The following SLCO1A2 variants were observed in gnomAD, a reference collection of about 807,000 sequenced individuals.
The protein encoded by SLCO1A2 is solute carrier organic anion transporter family member 1A2.
A neutral mutation model predicts 69.0 loss-of-function variants in SLCO1A2; 67 were observed. The observed-to-expected ratio is 0.97, with a 90% CI of 0.80 to 1.19. The LOEUF (loss-of-function observed/expected upper bound fraction) is 1.19. SLCO1A2 is among the 50% of genes most tolerant of loss of function. The pLI is 0.00. For missense variants in SLCO1A2, 787 were observed against 793.7 expected (o/e 0.99, Z 0.10); for synonymous variants, 260 against 265.9 (o/e 0.98, Z 0.22).
chr12:21,358,831 A>G (rs557130965), intron 2 of SLCO1A2, among the ~76,000 whole-genome samples: 5 of 152,198 alleles, frequency 3.3e-5, no homozygotes, highest in Non-Finnish European at 7.3e-5. Flanking sequence ...CAAAGCCACA[A>G]AGAGATTCCT....
At chr12:21,315,560 T>C (rs1950767861) in intron 3 of SLCO1A2, among the ~76,000 whole-genome samples, 1 of 152,262 alleles carries the variant, frequency 6.6e-6, no homozygotes. Flanking sequence ...AAAATTTTTT[T>C]TCCTCAAGGA....
At chr12:21,292,468 T>A in intron 11 of SLCO1A2, 132 bp from the exon 12 acceptor site, 1 of 585,676 alleles carries the variant, frequency 1.7e-6, no homozygotes, top group Non-Finnish European at 2.9e-6. Flanking sequence ...ATGATGTCTC[T>A]CAAGATTACA....
chr12:21,285,440 C>G (rs1945571809), intron 12 of SLCO1A2, among the ~76,000 whole-genome samples: 1 of 143,796 alleles, frequency 7.0e-6, no homozygotes, highest in South Asian at 2.3e-4. Flanking sequence ...CAAGGAGGAA[C>G]TGGTACCATT....
chr12:21,360,590 T>C (rs539149649), intron 2 of SLCO1A2, among the ~76,000 whole-genome samples: 2 of 152,274 alleles, frequency 1.3e-5, no homozygotes, highest in African/African-American at 4.8e-5. Flanking sequence ...GGGCAGGGCA[T>C]TGCCTCACCC....
At chr12:21,347,443 C>G (rs1953290460) in intron 2 of SLCO1A2, among the ~76,000 whole-genome samples, 1 of 152,066 alleles carries the variant, frequency 6.6e-6, no homozygotes, top group Non-Finnish European at 1.5e-5. Flanking sequence ...GTCAGGAGTT[C>G]AAGACCAGCC....
intron 1 of SLCO1A2, among the ~76,000 whole-genome samples, chr12:21,389,992 T>C (rs1287236845): frequency 6.6e-6 from 1 of 151,356 alleles, no homozygotes; most frequent in Non-Finnish European, 1.5e-5. Context: ...AAAGACACAA[T>C]TACTTTTGCA....
chr12:21,328,104 T>C (rs1227602710), intron 2 of SLCO1A2, among the ~76,000 whole-genome samples: 2 of 152,196 alleles, frequency 1.3e-5, no homozygotes. Context: ...CTCTCTTGCC[T>C]GCCACCGTGT....
chr12:21,280,342 A>G (rs1304643268), intron 12 of SLCO1A2, among the ~76,000 whole-genome samples: 1 of 152,134 alleles, frequency 6.6e-6, no homozygotes, highest in Non-Finnish European at 1.5e-5. Context: ...CTAGAAACAT[A>G]TGTCACTCAT....
At chr12:21,285,739 C>T (rs1286912796) in intron 12 of SLCO1A2, among the ~76,000 whole-genome samples, 1 of 149,944 alleles carries the variant, frequency 6.7e-6, no homozygotes, top group Non-Finnish European at 1.5e-5. Context: ...AGCATATAAA[C>T]AGAGCCAAAG....
chr12:21,270,712 TAATA>T (rs768089985), intron 14 of SLCO1A2, among the ~76,000 whole-genome samples: 2 of 130,264 alleles, frequency 1.5e-5, no homozygotes, highest in Non-Finnish European at 3.3e-5. Context: ...TAAAATCTGG[TAATA>T]TATAATTAAT....
intron 12 of SLCO1A2, among the ~76,000 whole-genome samples, chr12:21,279,168 A>G (rs189748471): frequency 2.0e-5 from 3 of 152,216 alleles, no homozygotes; most frequent in Non-Finnish European, 2.9e-5. Flanking sequence ...GGGATACAAA[A>G]GAAAAAAAGA....
intron 2 of SLCO1A2, among the ~76,000 whole-genome samples, chr12:21,349,418 T>C (rs1937752243): frequency 6.6e-6 from 1 of 152,092 alleles, no homozygotes; most frequent in Non-Finnish European, 1.5e-5. Flanking sequence ...CTGGCTTGAG[T>C]TAAATTTCTA....
At chr12:21,384,765 T>C (rs939990683) in intron 1 of SLCO1A2, among the ~76,000 whole-genome samples, 2 of 140,716 alleles carry the variant, frequency 1.4e-5, no homozygotes, top group Non-Finnish European at 3.2e-5. Flanking sequence ...CTTAGTTTTT[T>C]TTTCTTTTTT....
At chr12:21,408,360 A>G (rs1941855801) in intron 1 of SLCO1A2, among the ~76,000 whole-genome samples, 1 of 151,886 alleles carries the variant, frequency 6.6e-6, no homozygotes, top group African/African-American at 2.4e-5. Flanking sequence ...ATAAATATCT[A>G]CCCAAGGTCA....
intron 4 of SLCO1A2, 82 bp from the exon 5 acceptor site, chr12:21,307,070 CTTCCCAT>C: frequency 3.3e-6 from 3 of 901,434 alleles, no homozygotes; most frequent in Non-Finnish European, 5.3e-6. Flanking sequence ...TTACCTTCTG[CTTCCCAT>C]ACAACACAAT....
At chr12:21,282,072 A>C (rs947697514) in intron 12 of SLCO1A2, among the ~76,000 whole-genome samples, 7 of 151,728 alleles carry the variant, frequency 4.6e-5, no homozygotes, top group African/African-American at 1.5e-4. Flanking sequence ...AACTCATTCT[A>C]TGAGGCCAGT....
At chr12:21,339,861 G>A (rs889638239), upstream of SLCO1A2, among the ~76,000 whole-genome samples, 1 of 151,928 alleles carries the variant, frequency 6.6e-6, no homozygotes, top group African/African-American at 2.4e-5. Flanking sequence ...ATTCTCTTGG[G>A]ATACAGAGAG....
At chr12:21,408,024 T>C (rs1436950314) in intron 1 of SLCO1A2, among the ~76,000 whole-genome samples, 1 of 152,154 alleles carries the variant, frequency 6.6e-6, no homozygotes, top group Non-Finnish European at 1.5e-5. Flanking sequence ...TGAGCTTTTC[T>C]GGAAGTCTTT....
At chr12:21,332,382 T>G (rs910256193) in intron 2 of SLCO1A2, among the ~76,000 whole-genome samples, 16 of 152,112 alleles carry the variant, frequency 1.1e-4, no homozygotes, top group African/African-American at 3.9e-4. Flanking sequence ...GACCAAGGTT[T>G]TATCATGCAG....
Sources: gnomAD v4.1 joint callset for allele counts (sites outside exome capture counted in the v4.1 genomes callset) on GRCh38, gnomAD v4.1.1 for gene constraint, MANE v1.5 for transcripts, NCBI Gene and HGNC (gene_info 2026-07-23, HGNC 2026-07-21) for gene names.